Variants in CNDP1 observed in about 807,000 individuals in gnomAD.
CNDP1 encodes beta-Ala-His dipeptidase.
Under a neutral mutation model 58.1 loss-of-function variants are expected in CNDP1, and 44 were observed. That is an observed-to-expected ratio of 0.76 (90% CI 0.60 to 0.97). The LOEUF (loss-of-function observed/expected upper bound fraction) is 0.97, where lower values mean the gene tolerates loss of function less well. Ranked by LOEUF, CNDP1 falls within the 50% of genes least tolerant of loss-of-function variation. The probability of loss-of-function intolerance (pLI) is 0.00; values close to 1 mark genes in which losing one functional copy is unlikely to be tolerated. For missense variants in CNDP1, 616 were observed against 655.1 expected (o/e 0.94, Z 0.65); for synonymous variants, 254 against 252.6 (o/e 1.01, Z -0.05).
intron 10 of CNDP1, among the ~76,000 whole-genome samples, chr18:74,582,837 C>T (rs1363796574): frequency 1.3e-5 from 2 of 152,118 alleles, no homozygotes; most frequent in Admixed American, 6.5e-5. Context: ...AACATTGCAC[C>T]GTTGTCAGTT....
At chr18:74,561,609 T>G (rs775883387) in intron 4 of CNDP1, 7 of 161,478 alleles carry the variant, frequency 4.3e-5, no homozygotes, top group Non-Finnish European at 9.6e-5. Flanking sequence ...GTAATTCGCC[T>G]TTTATAAAGA....
At chr18:74,544,298 T>G (rs993726089) in intron 1 of CNDP1, among the ~76,000 whole-genome samples, 2 of 152,146 alleles carry the variant, frequency 1.3e-5, no homozygotes, top group East Asian at 3.9e-4. Context: ...TCTTATTCTA[T>G]GATAGACAGT....
In CNDP1 at chr18:74,566,680, G is replaced by C. The variant is rs1326832442; in HGVS notation, c.556-553G>C. 3.3e-5 allele frequency among the ~76,000 whole-genome samples: 5 copies of C among 152,206 alleles called. No individual in the cohort carries two copies. In the South Asian group the frequency reaches 1.0e-3, roughly 32 times the overall value. ...TTGTCCATATTGCTATCAGCATTTT[G>C]GGCAAAGCCATTCAATAAGTCTCTA... On this transcript the variant is annotated intron_variant, in intron 5 of 11. Coordinates refer to ENST00000358821, the MANE Select transcript of CNDP1 (RefSeq NM_032649.6).
chr18:74,579,116 C>CTCCT (rs538139639), intron 9 of CNDP1, among the ~76,000 whole-genome samples: 2 of 149,866 alleles, frequency 1.3e-5, no homozygotes, highest in South Asian at 2.1e-4. Flanking sequence ...TCTTCCCTCC[C>CTCCT]TCCTTCCTTC....
intron 3 of CNDP1, among the ~76,000 whole-genome samples, chr18:74,560,095 C>A (rs765640209): frequency 1.3e-5 from 2 of 148,332 alleles, no homozygotes; most frequent in African/African-American, 2.5e-5. Flanking sequence ...CTGCAACCTC[C>A]GCCTCCCAGG....
At chr18:74,560,781 CCAAT>C in intron 3 of CNDP1, 71 bp from the exon 4 acceptor site, 1 of 1,378,234 alleles carries the variant, frequency 7.3e-7, no homozygotes, top group Non-Finnish European at 1.0e-6. Context: ...AACAAGACTC[CCAAT>C]GTCATGTCTT....
chr18:74,559,582 C>A (rs1981134690), intron 3 of CNDP1, 110 bp downstream of exon 3: 3 of 935,752 alleles, frequency 3.2e-6, no homozygotes, highest in Non-Finnish European at 3.1e-6. Flanking sequence ...CACAACCCCC[C>A]ATAACCCCAA....
At chr18:74,583,299 A>T (rs915402711) in intron 10 of CNDP1, among the ~76,000 whole-genome samples, 4 of 152,156 alleles carry the variant, frequency 2.6e-5, no homozygotes, top group African/African-American at 9.7e-5. Flanking sequence ...GAGCCACTGC[A>T]CCTGGCTCTA....
At chr18:74,541,312 T>C (rs1980619214) in intron 1 of CNDP1, among the ~76,000 whole-genome samples, 1 of 152,222 alleles carries the variant, frequency 6.6e-6, no homozygotes, top group Non-Finnish European at 1.5e-5. Flanking sequence ...GAGCGTGCAC[T>C]GTCTAGGGCA....
At chr18:74,535,580 C>CTATTTTTTTTTTTT (rs1980466222) in intron 1 of CNDP1, among the ~76,000 whole-genome samples, 2 of 106,394 alleles carry the variant, frequency 1.9e-5, no homozygotes, top group Non-Finnish European at 3.6e-5. Context: ...CCATTGCTGA[C>CTATTTTTTTTTTTT]TTTTTTTTTT....
intron 6 of CNDP1, among the ~76,000 whole-genome samples, chr18:74,570,429 T>C (rs1285081215): frequency 6.6e-6 from 1 of 152,026 alleles, no homozygotes; most frequent in Admixed American, 6.5e-5. Flanking sequence ...AGCAGGACAG[T>C]GTCTGTTAAG....
At chr18:74,581,215 A>G (rs1294070719) in intron 10 of CNDP1, among the ~76,000 whole-genome samples, 1 of 110,360 alleles carries the variant, frequency 9.1e-6, no homozygotes, top group Non-Finnish European at 1.8e-5. Flanking sequence ...AGCCACACCT[A>G]TCCTGTGTGT....
In CNDP1 at chr18:74,584,706, T is replaced by G; in HGVS notation, c.*144T>G. ...TCCATTTAAAATGTCTTGGGATATC[T>G]GGATCAGTAATAAAATATTTCAAAG... is the stretch of plus-strand genomic sequence containing the variant. On this transcript the variant is annotated 3_prime_UTR_variant, in exon 12 of 12. Coordinates refer to ENST00000358821, the MANE Select transcript of CNDP1 (RefSeq NM_032649.6). 1 of 650,220 alleles carries G rather than the reference T, an allele frequency of 1.5e-6. No individual in the cohort carries two copies. The highest frequency in any genetic ancestry group is 2.7e-6 in the Non-Finnish European group (1 of 363,770). The allele number at this position is 650,220 out of a possible 1,614,324, so 40.3% of individuals were successfully genotyped here. A position where few individuals can be genotyped will look rare whatever the true frequency, so the allele number is the denominator to read the frequency against.
intron 9 of CNDP1, 125 bp from the exon 10 acceptor site, chr18:74,580,005 C>T: frequency 3.7e-6 from 3 of 818,642 alleles, no homozygotes; most frequent in Admixed American, 2.6e-5. Flanking sequence ...CAGGCTGGGG[C>T]TTCAGTTTCT....
chr18:74,557,500 G>A (rs551941617), intron 2 of CNDP1, among the ~76,000 whole-genome samples: 1 of 152,254 alleles, frequency 6.6e-6, no homozygotes, highest in East Asian at 1.9e-4. Flanking sequence ...GCATGGGAGA[G>A]CAGGAGCTTG....
intron 1 of CNDP1, among the ~76,000 whole-genome samples, chr18:74,554,615 T>C (rs1374641798): frequency 6.6e-6 from 1 of 152,024 alleles, no homozygotes; most frequent in Non-Finnish European, 1.5e-5. Context: ...TGGAGGAAGA[T>C]TCAGCAATGC....
intron 5 of CNDP1, among the ~76,000 whole-genome samples, chr18:74,563,075 C>T (rs892639578): frequency 2.6e-5 from 4 of 152,196 alleles, no homozygotes; most frequent in African/African-American, 9.6e-5. Flanking sequence ...CAGAGCAGAC[C>T]TGGGCTTCTG....
chr18:74,542,880 A>G (rs1317543594), intron 1 of CNDP1, among the ~76,000 whole-genome samples: 1 of 152,246 alleles, frequency 6.6e-6, no homozygotes, highest in Non-Finnish European at 1.5e-5. Flanking sequence ...TGGAATGGGC[A>G]TCTTAAAGCA....
In CNDP1 at chr18:74,575,867, ATT is replaced by A. The variant is rs34962477; in HGVS notation, c.842-983_842-982del. ...TGTGTGTGTGTGTGTGTGTGTATAC[ATT>A]TTTTTTTTTTTTTTTTTTGAGACGG... On this transcript the variant is annotated intron_variant, in intron 7 of 11. Transcript: ENST00000358821. 1.2e-3 allele frequency among the ~76,000 whole-genome samples: 117 copies of A among 94,770 alleles called. 1 individual carries two copies. Among genetic ancestry groups the A allele is most frequent in the African/African-American group, 3.4e-3 (80 of 23,356 alleles). 62.2% of individuals were successfully genotyped at this position (94,770 alleles called of 152,430 possible).
Sources: gnomAD v4.1 joint callset for allele counts (sites outside exome capture counted in the v4.1 genomes callset) on GRCh38, gnomAD v4.1.1 for gene constraint, MANE v1.5 for transcripts, NCBI Gene and HGNC (gene_info 2026-07-23, HGNC 2026-07-21) for gene names.